Variants in ATG4C observed in about 807,000 individuals in gnomAD.
ATG4C encodes autophagy related 4C cysteine peptidase, also known as cysteine protease ATG4C.
In ATG4C, 56 loss-of-function variants were observed where a neutral mutation model predicts 57.6. That is an observed-to-expected ratio of 0.97 (90% CI 0.78 to 1.21). ATG4C has a LOEUF of 1.21. Among genes scored for constraint, ATG4C ranks in the 50% most tolerant of loss-of-function variants. The pLI is 0.00. For synonymous variants in ATG4C, 157 were observed against 174.1 expected, an observed-to-expected ratio of 0.90 and a Z score of 0.78; for missense variants, 595 against 529.8, an observed-to-expected ratio of 1.12 and a Z score of -1.21.
chr1:62,787,051 A>G (rs11208029), intron 1 of ATG4C, among the ~76,000 whole-genome samples: 22,011 of 152,158 alleles, frequency 0.14, 1,693 homozygotes, highest in South Asian at 0.2. Flanking sequence ...TTTGGCTTAT[A>G]TAACTGGAAG....
chr1:62,856,855 G>T (rs1479582720), intron 10 of ATG4C, among the ~76,000 whole-genome samples: 1 of 152,104 alleles, frequency 6.6e-6, no homozygotes, highest in Non-Finnish European at 1.5e-5. Flanking sequence ...ATCTATGGTA[G>T]GATGTTTATG....
At chr1:62,845,765 G>A (rs553572431) in intron 10 of ATG4C, among the ~76,000 whole-genome samples, 77 of 152,020 alleles carry the variant, frequency 5.1e-4, no homozygotes, top group Middle Eastern at 3.4e-3. Context: ...GCAGGGGCGC[G>A]ATTTTGGCTC....
intron 10 of ATG4C, among the ~76,000 whole-genome samples, chr1:62,851,330 G>T (rs1461952619): frequency 1.3e-5 from 2 of 152,054 alleles, no homozygotes; most frequent in Non-Finnish European, 2.9e-5. Flanking sequence ...GCGATAAAAG[G>T]CTTATGCTGA....
intron 10 of ATG4C, among the ~76,000 whole-genome samples, chr1:62,852,284 C>T (rs10047193): frequency 0.02 from 3,110 of 152,276 alleles, 109 homozygotes; most frequent in African/African-American, 0.071. Context: ...TGAAAGGAAA[C>T]TGGAGAACTT....
chr1:62,799,070 C>T (rs544021917), intron 1 of ATG4C, among the ~76,000 whole-genome samples: 20 of 152,274 alleles, frequency 1.3e-4, no homozygotes, highest in African/African-American at 2.4e-4. Context: ...TGTAGGCACA[C>T]GCCACCATGT....
At chr1:62,807,096 A>G (rs546131984) in intron 3 of ATG4C, among the ~76,000 whole-genome samples, 29 of 152,216 alleles carry the variant, frequency 1.9e-4, no homozygotes, top group Non-Finnish European at 3.5e-4. Flanking sequence ...GCTGGCTAGG[A>G]CATTGATCAT....
intron 3 of ATG4C, among the ~76,000 whole-genome samples, chr1:62,811,676 T>A (rs948714669): frequency 6.6e-6 from 1 of 152,196 alleles, no homozygotes; most frequent in Non-Finnish European, 1.5e-5. Flanking sequence ...AAATTAGAAT[T>A]TAGGGTTATC....
intron 7 of ATG4C, among the ~76,000 whole-genome samples, chr1:62,830,802 G>A (rs1376888049): frequency 6.6e-6 from 1 of 152,064 alleles, no homozygotes; most frequent in Non-Finnish European, 1.5e-5. Flanking sequence ...ATGAACTATG[G>A]TTAAGCTGTT....
At chr1:62,861,442 G>T (rs191420084) in intron 10 of ATG4C, among the ~76,000 whole-genome samples, 1 of 152,096 alleles carries the variant, frequency 6.6e-6, no homozygotes, top group East Asian at 1.9e-4. Flanking sequence ...CTACTCGGGA[G>T]CCTGAAGTAG....
chr1:62,824,374 G>A (rs1034801739), intron 6 of ATG4C, among the ~76,000 whole-genome samples: 1 of 152,112 alleles, frequency 6.6e-6, no homozygotes, highest in African/African-American at 2.4e-5. Context: ...GGGGAGTTAG[G>A]TGATGAGAAG....
intron 10 of ATG4C, among the ~76,000 whole-genome samples, chr1:62,846,390 C>T (rs1321128889): frequency 1.3e-5 from 2 of 152,156 alleles, no homozygotes; most frequent in South Asian, 2.1e-4. Flanking sequence ...TAGGGCTTAT[C>T]CTTTAGTTCT....
intron 1 of ATG4C, among the ~76,000 whole-genome samples, chr1:62,802,035 A>T (rs1346849671): frequency 1.3e-5 from 2 of 151,404 alleles, no homozygotes; most frequent in Non-Finnish European, 2.9e-5. Flanking sequence ...GAGACATCTT[A>T]AATACCACAT....
intron 1 of ATG4C, among the ~76,000 whole-genome samples, chr1:62,793,840 GTCTCTA>G (rs1449803550): frequency 9.0e-6 from 1 of 111,210 alleles, no homozygotes; most frequent in Non-Finnish European, 2.1e-5. Flanking sequence ...CTCTATATAA[GTCTCTA>G]TATTAACTTA....
At chr1:62,861,910 T>C (rs1666871402) in intron 10 of ATG4C, among the ~76,000 whole-genome samples, 1 of 152,166 alleles carries the variant, frequency 6.6e-6, no homozygotes, top group South Asian at 2.1e-4. Flanking sequence ...GGAAGGACTT[T>C]TAAGGTTTTG....
At chr1:62,825,359 C>T (rs1050439684) in intron 6 of ATG4C, among the ~76,000 whole-genome samples, 1 of 152,054 alleles carries the variant, frequency 6.6e-6, no homozygotes, top group African/African-American at 2.4e-5. Context: ...CTATCAGTAG[C>T]ATTTGACACC....
chr1:62,810,058 G>A (rs1169157130), intron 3 of ATG4C, among the ~76,000 whole-genome samples: 4 of 152,118 alleles, frequency 2.6e-5, no homozygotes, highest in East Asian at 1.9e-4. Context: ...TTTCTAAGAC[G>A]CTTAAGTATT....
chr1:62,821,969 A>G (rs1665497346), intron 6 of ATG4C, among the ~76,000 whole-genome samples: 1 of 152,106 alleles, frequency 6.6e-6, no homozygotes, highest in Non-Finnish European at 1.5e-5. Context: ...CTTGTGAAAA[A>G]TGCTGTGCTC....
chr1:62,848,958 T>G (rs1472852444), intron 10 of ATG4C, among the ~76,000 whole-genome samples: 1 of 152,208 alleles, frequency 6.6e-6, no homozygotes, highest in East Asian at 1.9e-4. Context: ...CTTTTGAAAA[T>G]TTTGTAGATT....
intron 1 of ATG4C, among the ~76,000 whole-genome samples, chr1:62,785,707 T>G (rs1459348754): frequency 6.6e-5 from 10 of 152,198 alleles, no homozygotes; most frequent in Non-Finnish European, 1.5e-4. Flanking sequence ...ATTATCATTC[T>G]TTTTTAAGCT....
Sources: gnomAD v4.1 joint callset for allele counts (sites outside exome capture counted in the v4.1 genomes callset) on GRCh38, gnomAD v4.1.1 for gene constraint, MANE v1.5 for transcripts, NCBI Gene and HGNC (gene_info 2026-07-23, HGNC 2026-07-21) for gene names.